Variants in ZNF475 observed in about 807,000 individuals in gnomAD.
ZNF475 encodes zinc finger protein 475.
At chr5:122,169,970 A>T in the ZNF475 span, among the ~76,000 whole-genome samples, 4 of 152,196 alleles carry the variant, frequency 2.6e-5, no homozygotes, top group Non-Finnish European at 5.9e-5. Context: ...TTGTTCTCAG[A>T]CTATTTTTCC....
the ZNF475 span, chr5:122,182,382 A>G: frequency 6.4e-6 from 5 of 781,418 alleles, no homozygotes; most frequent in Non-Finnish European, 9.4e-6. Flanking sequence ...AGAAAGTAGA[A>G]TATGGTTCTC....
chr5:122,179,415 C>A, the ZNF475 span: 2 of 372,914 alleles, frequency 5.4e-6, no homozygotes, highest in Non-Finnish European at 4.8e-6. Flanking sequence ...TCTCTTATTT[C>A]CTTGGGTAGT....
At chr5:122,179,795 C>A in the ZNF475 span, 2 of 1,151,416 alleles carry the variant, frequency 1.7e-6, no homozygotes, top group Non-Finnish European at 1.1e-6. Context: ...CTAATAAGAG[C>A]AGAAGTATTC....
the ZNF475 span, chr5:122,182,589 CCAGA>C: frequency 6.5e-7 from 1 of 1,535,528 alleles, no homozygotes; most frequent in Non-Finnish European, 8.7e-7. Flanking sequence ...TACCTTCCTG[CCAGA>C]CAGACTGATT....
At chr5:122,168,291 G>A in the ZNF475 span, among the ~76,000 whole-genome samples, 4 of 152,168 alleles carry the variant, frequency 2.6e-5, no homozygotes, top group Non-Finnish European at 4.4e-5. Flanking sequence ...TGATCCGCCC[G>A]CCTCGGCCTC....
chr5:122,181,766 T>A, the ZNF475 span, among the ~76,000 whole-genome samples: 6 of 152,214 alleles, frequency 3.9e-5, no homozygotes, highest in Non-Finnish European at 8.8e-5. Flanking sequence ...TAACTAAGGT[T>A]TATTAAAGCT....
the ZNF475 span, among the ~76,000 whole-genome samples, chr5:122,169,561 C>A: frequency 6.6e-6 from 1 of 152,072 alleles, no homozygotes; most frequent in African/African-American, 2.4e-5. Flanking sequence ...CTAAGACTGG[C>A]CATGGCTGAA....
At chr5:122,170,645 T>A in the ZNF475 span, among the ~76,000 whole-genome samples, 67 of 152,296 alleles carry the variant, frequency 4.4e-4, no homozygotes, top group Non-Finnish European at 7.5e-4. Flanking sequence ...GGAGTTTCTA[T>A]GGAGGTTCCA....
At chr5:122,181,978 G>A in the ZNF475 span, among the ~76,000 whole-genome samples, 1 of 152,092 alleles carries the variant, frequency 6.6e-6, no homozygotes, top group Non-Finnish European at 1.5e-5. Context: ...TAAGTTTTTA[G>A]GATATAATTC....
At chr5:122,166,694 T>C in the ZNF475 span, among the ~76,000 whole-genome samples, 1 of 152,248 alleles carries the variant, frequency 6.6e-6, no homozygotes, top group South Asian at 2.1e-4. Flanking sequence ...CTGCACAGTA[T>C]TCCATGGTGT....
chr5:122,181,360 G>T, the ZNF475 span, among the ~76,000 whole-genome samples: 4 of 152,218 alleles, frequency 2.6e-5, no homozygotes, highest in African/African-American at 9.6e-5. Context: ...TGGAATTTTT[G>T]AGTTCATTTT....
the ZNF475 span, among the ~76,000 whole-genome samples, chr5:122,160,558 C>T: frequency 6.6e-6 from 1 of 152,176 alleles, no homozygotes. Flanking sequence ...ACAACTACAT[C>T]TCCCAGAGCC....
At chr5:122,169,768 T>A in the ZNF475 span, among the ~76,000 whole-genome samples, 1 of 152,328 alleles carries the variant, frequency 6.6e-6, no homozygotes, top group East Asian at 1.9e-4. Context: ...GCCTGCTTCA[T>A]CCACCCACCA....
chr5:122,182,645 C>T, the ZNF475 span: 1 of 1,533,778 alleles, frequency 6.5e-7, no homozygotes, highest in Non-Finnish European at 8.7e-7. Context: ...CCAAGTAAAG[C>T]CCTTTTCTCT....
the ZNF475 span, among the ~76,000 whole-genome samples, chr5:122,170,227 T>C: frequency 6.6e-6 from 1 of 152,178 alleles, no homozygotes; most frequent in African/African-American, 2.4e-5. Flanking sequence ...ACCAGTTCTC[T>C]AGTTCTCCAG....
the ZNF475 span, among the ~76,000 whole-genome samples, chr5:122,169,319 G>A: frequency 1.3e-5 from 2 of 152,212 alleles, no homozygotes; most frequent in African/African-American, 4.8e-5. Context: ...GACTCTTGTG[G>A]CACTATGTCC....
At chr5:122,176,645 C>T in the ZNF475 span, among the ~76,000 whole-genome samples, 13 of 152,246 alleles carry the variant, frequency 8.5e-5, no homozygotes, top group East Asian at 1.9e-4. Context: ...TATACACAGA[C>T]GGTCCCTGCA....
At chr5:122,177,556 C>T in the ZNF475 span, among the ~76,000 whole-genome samples, 1 of 151,934 alleles carries the variant, frequency 6.6e-6, no homozygotes, top group Non-Finnish European at 1.5e-5. Context: ...TTTTTATTTC[C>T]TCTGAAGCCA....
chr5:122,174,468 C>T, the ZNF475 span, among the ~76,000 whole-genome samples: 1 of 152,154 alleles, frequency 6.6e-6, no homozygotes, highest in Non-Finnish European at 1.5e-5. Context: ...TAGAGCATGG[C>T]TTAGGAGTAA....
Sources: allele counts gnomAD v4.1 joint callset (sites outside exome capture counted in the v4.1 genomes callset), GRCh38; gene constraint gnomAD v4.1.1; transcripts MANE v1.5; gene names NCBI Gene and HGNC (gene_info 2026-07-23, HGNC 2026-07-21).